The following COL6A6 variants were observed in gnomAD, a reference collection of about 807,000 sequenced individuals.
COL6A6 encodes collagen alpha-6(VI) chain.
Under a neutral mutation model 208.6 loss-of-function variants are expected in COL6A6, and 183 were observed. The observed-to-expected ratio is 0.88, with a 90% CI of 0.78 to 0.99. The LOEUF (loss-of-function observed/expected upper bound fraction) is 0.99, where lower values mean the gene tolerates loss of function less well. COL6A6 is among the 50% of genes least tolerant of loss of function. The pLI is 0.00. For synonymous variants in COL6A6, 973 were observed against 1,011.8 expected, an observed-to-expected ratio of 0.96 and a Z score of 0.73; for missense variants, 2,816 against 2,815.2, an observed-to-expected ratio of 1.00 and a Z score of -0.01.
In COL6A6 at chr3:130,661,854, TCCC is replaced by T. The variant is rs745966034; in HGVS notation, c.6052_6054del (p.Pro2018del). Reference sequence around the variant, plus strand: ...ACCGGGTGGCCCTATTGAGCCATGCTCCCCCCGACTTCCTACCCAACACTCAGA... The same window carrying T: ...ACCGGGTGGCCCTATTGAGCCATGCTCCCGACTTCCTACCCAACACTCAGA... On this transcript the variant is annotated inframe_deletion, in exon 35 of 37. Transcript: ENST00000358511. 1 of 1,613,460 alleles carries T rather than the reference TCCC, an allele frequency of 6.2e-7. No homozygotes were observed. Among genetic ancestry groups the T allele is most frequent in the Non-Finnish European group, 8.5e-7 (1 of 1,179,772 alleles).
rs1560007709 is a variant in COL6A6 at position 130,570,881 on chromosome 3, AT to A, written c.2466del (p.Tyr822Ter). On this transcript the variant is annotated frameshift_variant, in exon 7 of 37. Coordinates refer to ENST00000358511, the MANE Select transcript of COL6A6 (RefSeq NM_001102608.3). LOFTEE classifies it high-confidence loss of function. ...FVIDSSGSIDYDEYNIMKDFM... is the reference protein window; with the variant it reads ...FVIDSSGSIDXDEYNIMKDFM... ...ATTGATAGCTCTGGCAGTATTGACT[AT>A]GATGAGTATAATATCATGAAGGATT... 1 of 1,614,010 alleles carries A rather than the reference AT, an allele frequency of 6.2e-7. No homozygotes were observed. Among genetic ancestry groups the A allele is most frequent in the South Asian group, 1.1e-5 (1 of 91,078 alleles).
At chr3:130,608,785 TTTTTTGC>T in intron 21 of COL6A6, 110 bp from the exon 22 acceptor site, 1 of 298,668 alleles carries the variant, frequency 3.3e-6, no homozygotes, top group Non-Finnish European at 6.1e-6. Context: ...TTTTTTTTTT[TTTTTTGC>T]AAAGATCCTG....
Position 130,565,040 on chromosome 3 carries a change from G to A in COL6A6, c.708G>A (p.Met236Ile). 2 of 1,613,982 alleles carry A rather than the reference G, an allele frequency of 1.2e-6. No individual in the cohort carries two copies. Among genetic ancestry groups the A allele is most frequent in the Admixed American group, 1.7e-5 (1 of 60,030 alleles). ...SMADVVFLLD[M>I]SINGSEENFD... ...CCGATGTTGTGTTCCTATTGGATAT[G>A]TCAATCAATGGAAGTGAGGAGAACT... The change falls in exon 4 of 37, where the codon ATG becomes ATA. Residue 236 changes from methionine (M) to isoleucine (I), a missense_variant. Transcript: ENST00000358511.
intron 23 of COL6A6, among the ~76,000 whole-genome samples, chr3:130,612,647 G>A (rs1352704288): frequency 6.6e-6 from 1 of 152,156 alleles, no homozygotes; most frequent in Non-Finnish European, 1.5e-5. Flanking sequence ...GCAACACAGG[G>A]TTGACAGCCT....
intron 1 of COL6A6, among the ~76,000 whole-genome samples, chr3:130,523,210 C>T (rs569159731): frequency 6.6e-6 from 1 of 152,200 alleles, no homozygotes; most frequent in African/African-American, 2.4e-5. Flanking sequence ...TCCAGACTCT[C>T]AACCTGGCTA....
rs1050052528 is a variant in COL6A6, at chr3:130,676,006, G to C, written c.*609G>C. 1 of 152,076 alleles carries C rather than the reference G, an allele frequency of 6.6e-6. No individual in the cohort carries two copies. Among genetic ancestry groups the C allele is most frequent in the African/African-American group, 2.4e-5 (1 of 41,402 alleles). The allele number at this position is 152,076 out of a possible 1,614,324, so 9.4% of individuals were successfully genotyped here. ...CTCACTGAAAAACTCATTAATTCCC[G>C]CAGAACATAAATTATTGCTTTTGAG... is the stretch of plus-strand genomic sequence containing the variant. On this transcript the variant is annotated 3_prime_UTR_variant, in exon 37 of 37. Transcript: ENST00000358511.
intron 1 of COL6A6, among the ~76,000 whole-genome samples, chr3:130,526,887 A>G (rs749376232): frequency 5.9e-5 from 9 of 152,332 alleles, no homozygotes; most frequent in Non-Finnish European, 1.5e-5. Context: ...TAGATGCTTA[A>G]TAAATATTAC....
chr3:130,548,179 A>C (rs1290977212), intron 1 of COL6A6, among the ~76,000 whole-genome samples: 1 of 152,220 alleles, frequency 6.6e-6, no homozygotes, highest in Non-Finnish European at 1.5e-5. Context: ...ATGTCTTCTC[A>C]AACTTTTTTT....
In COL6A6 at chr3:130,566,062, A is replaced by G. The variant is rs1211332736; in HGVS notation, c.1282+448A>G. Reference sequence around the variant, plus strand: ...TGATTTGAATGAAGAAAAAGTAATTATGTAATTTGTTGTGGGGTACCATTC... The same window carrying G: ...TGATTTGAATGAAGAAAAAGTAATTGTGTAATTTGTTGTGGGGTACCATTC... On this transcript the variant is annotated intron_variant, in intron 4 of 36. Transcript: ENST00000358511. 3.3e-5 allele frequency among the ~76,000 whole-genome samples: 5 copies of G among 152,336 alleles called. No homozygotes were observed. In the East Asian group the frequency reaches 5.8e-4, roughly 18 times the overall value.
chr3:130,581,970 T>C lies in COL6A6; in HGVS notation c.3892-20T>C, dbSNP rs1560023644. 1 of 1,601,182 alleles carries C rather than the reference T, an allele frequency of 6.2e-7. No individual in the cohort carries two copies. Among genetic ancestry groups the C allele is most frequent in the East Asian group, 2.2e-5 (1 of 44,796 alleles). On this transcript the variant is annotated intron_variant, in intron 9 of 36. Coordinates refer to ENST00000358511, the MANE Select transcript of COL6A6 (RefSeq NM_001102608.3). ...TGAACCCTTTTTAATTCATTTTACTTTTTTTGAATACTTTCTTAGGTGGTC... is the reference window on the plus strand; with the variant it reads ...TGAACCCTTTTTAATTCATTTTACTCTTTTTGAATACTTTCTTAGGTGGTC...
At chr3:130,622,953 G>GT (rs1431408570) in intron 24 of COL6A6, among the ~76,000 whole-genome samples, 15 of 152,056 alleles carry the variant, frequency 9.9e-5, no homozygotes, top group African/African-American at 3.4e-4. Context: ...AAAAAGCGGT[G>GT]TGAAGGAAGG....
intron 36 of COL6A6, among the ~76,000 whole-genome samples, chr3:130,666,160 C>T (rs943159803): frequency 3.3e-5 from 5 of 151,830 alleles, no homozygotes; most frequent in African/African-American, 1.2e-4. Flanking sequence ...GAATGGGAGA[C>T]AAATGAGACA....
At chr3:130,667,487 C>G (rs1486128743) in intron 36 of COL6A6, among the ~76,000 whole-genome samples, 2 of 152,162 alleles carry the variant, frequency 1.3e-5, no homozygotes, top group Non-Finnish European at 2.9e-5. Context: ...GATCCACCCG[C>G]CTCAGCCTCC....
In COL6A6 at chr3:130,565,477, C is replaced by A; in HGVS notation, c.1145C>A (p.Pro382His). The change falls in exon 4 of 37, where the codon CCT (proline) becomes CAT (histidine). Residue 382 changes from proline (P) to histidine (H), a missense_variant. By Grantham distance (77) the Pro-to-His change is moderately conservative. Coordinates refer to ENST00000358511, the MANE Select transcript of COL6A6 (RefSeq NM_001102608.3). ...CAGTTGGAAAAGATAGCATCCCACC[C>A]TGCTGAGCAGTATGTCTCCAAACTG... ...DTQLEKIASHPAEQYVSKLKT... is the reference protein window; with the variant it reads ...DTQLEKIASHHAEQYVSKLKT... 4 of 1,614,054 alleles carry A rather than the reference C, an allele frequency of 2.5e-6. No individual in the cohort carries two copies. Among genetic ancestry groups the A allele is most frequent in the South Asian group, 2.2e-5 (2 of 91,080 alleles).
chr3:130,516,948 C>G (rs1710767719), upstream of COL6A6, among the ~76,000 whole-genome samples: 1 of 152,222 alleles, frequency 6.6e-6, no homozygotes, highest in Admixed American at 6.5e-5. Flanking sequence ...CCAACTTCCC[C>G]TCTTTCTTTT....
chr3:130,603,783 A>G (rs1018190659), intron 20 of COL6A6, among the ~76,000 whole-genome samples: 3 of 152,158 alleles, frequency 2.0e-5, no homozygotes, highest in Non-Finnish European at 4.4e-5. Flanking sequence ...CTTAGTATTA[A>G]TGTGATGTTT....
intron 6 of COL6A6, among the ~76,000 whole-genome samples, chr3:130,569,128 C>T (rs2063100968): frequency 6.6e-6 from 1 of 152,164 alleles, no homozygotes; most frequent in Non-Finnish European, 1.5e-5. Context: ...CTGAGGCAGC[C>T]CTGGCATTTA....
At chr3:130,594,770 A>G (rs1457188055) in intron 18 of COL6A6, among the ~76,000 whole-genome samples, 1 of 152,188 alleles carries the variant, frequency 6.6e-6, no homozygotes, top group Non-Finnish European at 1.5e-5. Flanking sequence ...AAGAGGTTTA[A>G]CTGACTCATA....
At chr3:130,582,368 C>T (rs1227373747) in intron 10 of COL6A6, among the ~76,000 whole-genome samples, 1 of 152,148 alleles carries the variant, frequency 6.6e-6, no homozygotes, top group Non-Finnish European at 1.5e-5. Flanking sequence ...TCTCGCCCCA[C>T]ATTGTCTAAT....
Sources: allele counts gnomAD v4.1 joint callset (sites outside exome capture counted in the v4.1 genomes callset), GRCh38; gene constraint gnomAD v4.1.1; transcripts MANE v1.5; gene names NCBI Gene and HGNC (gene_info 2026-07-23, HGNC 2026-07-21).